Variants in AMBP observed in about 807,000 individuals in gnomAD.
AMBP encodes the protein protein AMBP.
In AMBP, 37 loss-of-function variants were observed where a neutral mutation model predicts 46.3. The observed-to-expected ratio is 0.80, with a 90% CI of 0.61 to 1.05. AMBP has a LOEUF of 1.05. AMBP is among the 50% of genes least tolerant of loss of function. The pLI, the probability that AMBP is intolerant of heterozygous loss-of-function variation, is 0.00. For missense variants in AMBP, 475 were observed against 461.2 expected, an observed-to-expected ratio of 1.03 and a Z score of -0.27; for synonymous variants, 174 against 175.9, an observed-to-expected ratio of 0.99 and a Z score of 0.09.
At chr9:114,067,056 T>A (rs149699814) in intron 6 of AMBP, among the ~76,000 whole-genome samples, 92 of 152,254 alleles carry the variant, frequency 6.0e-4, no homozygotes, top group African/African-American at 2.1e-3. Flanking sequence ...TTCTACTGCC[T>A]CAGCCTTCCA....
chr9:114,074,042 G>T lies in AMBP; in HGVS notation c.448C>A (p.Leu150Ile). 6.2e-7 allele frequency: 1 copy of T among 1,613,810 alleles called. No homozygotes were observed. Among genetic ancestry groups the T allele is most frequent in the South Asian group, 1.1e-5 (1 of 91,066 alleles). ...TCTAGTAATGAGCCTTTACCGTAGAGCTTGGCAGTAATGGTGGGTCCATGA... is the reference window on the plus strand; with the variant it reads ...TCTAGTAATGAGCCTTTACCGTAGATCTTGGCAGTAATGGTGGGTCCATGA... ...RHHGPTITAK[L>I]YGRAPQLRET... is the part of the protein sequence containing the mutation. The change falls in exon 4 of 10, where the codon CTC becomes ATC. Residue 150 changes from leucine to isoleucine, a missense_variant. Physicochemically the swap from Leu to Ile is conservative, Grantham distance 5. Around this residue, in one of 3 missense-constraint regions of AMBP, gnomAD observed 293 missense variants for 276.9 expected, o/e 1.06. Transcript: ENST00000265132.
Position 114,061,414 on chromosome 9 carries a change from C to G in AMBP, c.853+10G>C, listed in dbSNP as rs1280432265. 3 of 1,614,036 alleles carry G rather than the reference C, an allele frequency of 1.9e-6. No homozygotes were observed. On this transcript the variant is annotated intron_variant, in intron 8 of 9. Transcript: ENST00000265132. ...GTGCAGAGCGCACAGGGGTGGGGAC[C>G]CGCACTCACCCACAGTTCGGCAGGT...
Position 114,062,666 on chromosome 9 carries a change from G to T in AMBP, c.685+11C>A. 6.2e-7 allele frequency: 1 copy of T among 1,613,138 alleles called. No homozygotes were observed. The highest frequency in any genetic ancestry group is 1.3e-5 in the African/African-American group (1 of 75,016). On this transcript the variant is annotated intron_variant, in intron 7 of 9. Coordinates refer to ENST00000265132, the MANE Select transcript of AMBP (RefSeq NM_001633.4). The stretch of plus-strand genomic sequence containing the variant: ...TATGGCAGAGGGGGTGAAAAGGCAG[G>T]TGTTCATTACCTTCTTTCTTGGTGA...
At chr9:114,075,139 T>G (rs1027841123) in intron 2 of AMBP, 103 bp from the exon 3 acceptor site, 4 of 867,378 alleles carry the variant, frequency 4.6e-6, no homozygotes, top group South Asian at 3.3e-5. Context: ...GGTTTTGGGG[T>G]TTTTTTGTTT....
chr9:114,073,146 T>C, intron 4 of AMBP, 120 bp from the exon 5 acceptor site: 1 of 844,302 alleles, frequency 1.2e-6, no homozygotes, highest in South Asian at 1.8e-5. Flanking sequence ...TGATGCAGTT[T>C]AATCTATTTG....
rs1422312610 is a variant in AMBP, at chr9:114,062,707, G to T, written c.655C>A (p.Gln219Lys). 14 of 1,613,862 alleles carry T rather than the reference G, an allele frequency of 8.7e-6. No homozygotes were observed. The highest frequency in any genetic ancestry group is 1.2e-5 in the Non-Finnish European group (14 of 1,180,042). ...PQEEEGSGGG[Q>K]LVTEVTKKED... is the part of the protein sequence containing the mutation. ...TTCTTGGTGACTTCAGTTACCAGTT[G>T]CCCACCCCCTGATCCTTCCTCTTCT... The change falls in exon 7 of 10, where the codon CAA (glutamine) becomes AAA (lysine). Residue 219 changes from glutamine (Q) to lysine (K), a missense_variant. Transcript: ENST00000265132.
intron 3 of AMBP, 144 bp downstream of exon 3, chr9:114,074,816 G>A: frequency 2.9e-6 from 2 of 683,904 alleles, no homozygotes; most frequent in East Asian, 2.6e-5. Flanking sequence ...AGGAGGAGGA[G>A]GAAGAGGAGG....
chr9:114,067,099 C>G (rs543323526), intron 6 of AMBP, among the ~76,000 whole-genome samples: 2 of 152,256 alleles, frequency 1.3e-5, no homozygotes, highest in South Asian at 2.1e-4. Flanking sequence ...AGCCACCACA[C>G]CCAGCTAATT....
intron 6 of AMBP, among the ~76,000 whole-genome samples, chr9:114,066,673 T>C (rs746788445): frequency 8.6e-5 from 13 of 152,006 alleles, no homozygotes; most frequent in Non-Finnish European, 1.9e-4. Flanking sequence ...CTGCTAAAAA[T>C]GCAATGAATG....
At chr9:114,070,019 G>C in intron 5 of AMBP, 2 of 491,964 alleles carry the variant, frequency 4.1e-6, no homozygotes, top group Non-Finnish European at 7.3e-6. Flanking sequence ...AGCTAACACT[G>C]ACTGAGCATT....
chr9:114,070,365 G>A (rs1004422504), intron 5 of AMBP, among the ~76,000 whole-genome samples: 1 of 152,080 alleles, frequency 6.6e-6, no homozygotes, highest in African/African-American at 2.4e-5. Context: ...ATGCAGCCAG[G>A]TAGACCCCAC....
At position 114,062,694 on chromosome 9, in the gene AMBP, T is replaced by C. The variant is rs1846653388; in HGVS notation, c.668A>G (p.Glu223Gly). The part of the protein sequence containing the change: ...EGSGGGQLVT[E>G]VTKKEDSCQL... Reference sequence around the variant, plus strand: ...TTCATTACCTTCTTTCTTGGTGACTTCAGTTACCAGTTGCCCACCCCCTGA... The same window carrying C: ...TTCATTACCTTCTTTCTTGGTGACTCCAGTTACCAGTTGCCCACCCCCTGA... Residue 223 changes from glutamate to glycine, a missense_variant, in exon 7 of 10, where the codon GAA (glutamate) becomes GGA (glycine). Coordinates refer to ENST00000265132, the MANE Select transcript of AMBP (RefSeq NM_001633.4). 2.5e-6 allele frequency: 4 copies of C among 1,613,840 alleles called. No homozygotes were observed. Among genetic ancestry groups the C allele is most frequent in the Non-Finnish European group, 2.5e-6 (3 of 1,179,964 alleles).
chr9:114,060,315 A>G (rs1846620793), intron 9 of AMBP, 45 bp from the exon 10 acceptor site: 1 of 1,608,084 alleles, frequency 6.2e-7, no homozygotes, highest in African/African-American at 1.3e-5. Flanking sequence ...AGGCAGGGAC[A>G]CTCAGGGAAG....
intron 9 of AMBP, 137 bp from the exon 10 acceptor site, chr9:114,060,407 A>ATT (rs200563827): frequency 2.7e-5 from 25 of 942,448 alleles, no homozygotes; most frequent in South Asian, 5.9e-5. Flanking sequence ...AAATGATCAG[A>ATT]TTTTTTTTTC....
intron 7 of AMBP, 43 bp downstream of exon 7, chr9:114,062,634 T>C (rs1193337214): frequency 6.2e-7 from 1 of 1,600,002 alleles, no homozygotes; most frequent in South Asian, 1.1e-5. Context: ...GCCCTTCCTT[T>C]CTGGAGTATG....
intron 9 of AMBP, among the ~76,000 whole-genome samples, 166 bp from the exon 10 acceptor site, chr9:114,060,436 G>C (rs1044360967): frequency 6.6e-6 from 1 of 151,992 alleles, no homozygotes; most frequent in African/African-American, 2.4e-5. Flanking sequence ...GTTTACCGCA[G>C]GTGCCATTTT....
intron 5 of AMBP, among the ~76,000 whole-genome samples, chr9:114,070,519 G>A (rs1464903583): frequency 1.3e-5 from 2 of 152,224 alleles, no homozygotes; most frequent in Non-Finnish European, 1.5e-5. Context: ...CCACCCTGGC[G>A]GCCGTCACGA....
At chr9:114,074,610 T>G (rs542889203) in intron 3 of AMBP, among the ~76,000 whole-genome samples, 1 of 152,248 alleles carries the variant, frequency 6.6e-6, no homozygotes, top group East Asian at 1.9e-4. Context: ...ACAAATAAAT[T>G]AATGTCCAAA....
chr9:114,062,215 GCA>G (rs1354237450), intron 7 of AMBP, among the ~76,000 whole-genome samples: 1 of 152,206 alleles, frequency 6.6e-6, no homozygotes, highest in Non-Finnish European at 1.5e-5. Flanking sequence ...CTAGTGCCCA[GCA>G]CAGGGCCTGG....
Sources: gnomAD v4.1 joint callset for allele counts (sites outside exome capture counted in the v4.1 genomes callset) on GRCh38, gnomAD v4.1.1 for gene constraint, gnomAD v4.1.1 regional missense constraint, MANE v1.5 for transcripts, NCBI Gene and HGNC (gene_info 2026-07-23, HGNC 2026-07-21) for gene names.